The following PLA2G4D variants were observed in gnomAD, a reference collection of about 807,000 sequenced individuals.
PLA2G4D encodes phospholipase A2 group IVD, also known as cytosolic phospholipase A2 delta.
Under a neutral mutation model 94.4 loss-of-function variants are expected in PLA2G4D, and 80 were observed. That is an observed-to-expected ratio of 0.85 (90% confidence interval 0.71 to 1.02). The LOEUF (loss-of-function observed/expected upper bound fraction) is 1.02. Among genes scored for constraint, PLA2G4D ranks in the 50% least tolerant of loss-of-function variants. The probability of loss-of-function intolerance (pLI) is 0.00; values close to 1 mark genes in which losing one functional copy is unlikely to be tolerated. For missense variants in PLA2G4D, 1,050 were observed against 1,034.7 expected, an observed-to-expected ratio of 1.01 and a Z score of -0.20; for synonymous variants, 438 against 440.9, an observed-to-expected ratio of 0.99 and a Z score of 0.08.
At chr15:42,088,982 G>A (rs2141103870) in intron 1 of PLA2G4D, among the ~76,000 whole-genome samples, 1 of 152,268 alleles carries the variant, frequency 6.6e-6, no homozygotes, top group South Asian at 2.1e-4. Context: ...CTTCATTCCA[G>A]AAAAAAACCC....
chr15:42,093,825 C>G (rs1030848045), intron 1 of PLA2G4D, among the ~76,000 whole-genome samples: 1 of 152,018 alleles, frequency 6.6e-6, no homozygotes, highest in Non-Finnish European at 1.5e-5. Flanking sequence ...CCTGGGGCAC[C>G]GGGGGGAGAC....
chr15:42,081,372 C>G, intron 11 of PLA2G4D, 107 bp downstream of exon 11: 4 of 1,516,986 alleles, frequency 2.6e-6, no homozygotes, highest in Non-Finnish European at 3.5e-6. Flanking sequence ...TCTCCACACA[C>G]ATGCCCACTC....
At chr15:42,077,292 C>T (rs1889949410) in intron 13 of PLA2G4D, among the ~76,000 whole-genome samples, 1 of 152,194 alleles carries the variant, frequency 6.6e-6, no homozygotes, top group Non-Finnish European at 1.5e-5. Flanking sequence ...AAGAAAGCTA[C>T]AGGCCAAGAT....
Position 42,086,194 on chromosome 15 carries a change from T to TTGGGGGGGGGC in PLA2G4D, c.387+18_387+19insGCCCCCCCCCA. 86 of 1,370,368 alleles carry TTGGGGGGGGGC rather than the reference T, an allele frequency of 6.3e-5. No homozygotes were observed. Among genetic ancestry groups the TTGGGGGGGGGC allele is most frequent in the Non-Finnish European group, 7.7e-5 (80 of 1,043,014 alleles). The allele number at this position is 1,370,368 out of a possible 1,614,324, so 84.9% of individuals were successfully genotyped here. A position where few individuals can be genotyped will look rare whatever the true frequency, so the allele number is the denominator to read the frequency against. Reference sequence around the variant, plus strand: ...GGAAGAAGTGGGGCCCACGGGGACTTCCCCACCCACCCACCCACCTGGGGA... The same window carrying TTGGGGGGGGGC: ...GGAAGAAGTGGGGCCCACGGGGACTTTGGGGGGGGGCCCCCACCCACCCACCCACCTGGGGA... On this transcript the variant is annotated intron_variant, in intron 4 of 19. Transcript: ENST00000290472.
At chr15:42,079,788 G>A in intron 12 of PLA2G4D, 29 bp from the exon 13 acceptor site, 1 of 1,585,906 alleles carries the variant, frequency 6.3e-7, no homozygotes, top group Non-Finnish European at 8.5e-7. Context: ...AGAACAGTAG[G>A]AGCCCGAGGC....
intron 1 of PLA2G4D, among the ~76,000 whole-genome samples, chr15:42,090,195 A>AAAT (rs141973222): frequency 0.081 from 12,325 of 152,204 alleles, 582 homozygotes; most frequent in Middle Eastern, 0.14. Flanking sequence ...TGTGTAGTGG[A>AAAT]AATAATAGTT....
At chr15:42,092,518 A>G (rs904962122) in intron 1 of PLA2G4D, among the ~76,000 whole-genome samples, 1 of 152,200 alleles carries the variant, frequency 6.6e-6, no homozygotes, top group African/African-American at 2.4e-5. Flanking sequence ...ACTGATATGA[A>G]TCTTTTCCCC....
chr15:42,069,924 C>G lies in PLA2G4D; in HGVS notation c.2215G>C (p.Asp739His), dbSNP rs1889768144. Residue 739 changes from aspartate (D) to histidine (H), a missense_variant, in exon 19 of 20, where the codon GAC (aspartate) becomes CAC (histidine). Asp to His is a moderately conservative substitution (Grantham distance 81). Transcript: ENST00000290472. ...GCTGCCTCACCGGGGGCTGAGTGGT[C>G]CTTGAAGGAGGCATTGACCAGCGGG... ...HFPLVNASFK[D>H]HSAPGVQRSP... 7.0e-7 allele frequency: 1 copy of G among 1,434,200 alleles called. No individual in the cohort carries two copies. 88.8% of individuals were successfully genotyped at this position (1,434,200 alleles called of 1,614,324 possible).
Position 42,082,325 on chromosome 15 carries a change from G to A in PLA2G4D, c.737C>T (p.Pro246Leu). Residue 246 changes from proline (P) to leucine (L), a missense_variant, in exon 9 of 20, where the codon CCC becomes CTC. Transcript: ENST00000290472. ...SAGYLTVPLR[P>L]LTIGKEVTMD... ...AGTCACCTCCTTCCCAATGGTCAAG[G>A]GCCTCAGGGGCACAGTGAGGTACCC... 2 of 1,614,100 alleles carry A rather than the reference G, an allele frequency of 1.2e-6. No homozygotes were observed. The highest frequency in any genetic ancestry group is 1.3e-5 in the African/African-American group (1 of 75,016).
In PLA2G4D at chr15:42,081,006, C is replaced by G. The variant is rs759968770; in HGVS notation, c.1085G>C (p.Gly362Ala). The change falls in exon 12 of 20, where the codon GGC (glycine) becomes GCC (alanine). Residue 362 changes from glycine to alanine, a missense_variant. Coordinates refer to ENST00000290472, the MANE Select transcript of PLA2G4D (RefSeq NM_178034.4). The part of the protein sequence containing the change: ...DCVTYFSGIS[G>A]STWTMAHLYG... ...CCCCCAGGATCCTCACCACGTAGAG[C>G]CAGAGATGCCACTGAAGTAGGTCAC... 2.5e-5 allele frequency: 40 copies of G among 1,613,748 alleles called. No homozygotes were observed. The highest frequency in any genetic ancestry group is 3.2e-5 in the Non-Finnish European group (38 of 1,179,862).
Position 42,068,444 on chromosome 15 carries a change from T to C in PLA2G4D, c.*271A>G, listed in dbSNP as rs1425165128. On this transcript the variant is annotated 3_prime_UTR_variant, in exon 20 of 20. Coordinates refer to ENST00000290472, the MANE Select transcript of PLA2G4D (RefSeq NM_178034.4). ...ACTTCAAATCTATCCTGCTCAGGCATGGAAGTAATTGTGGTGTGAAAGTCT... is the reference window on the plus strand; with the variant it reads ...ACTTCAAATCTATCCTGCTCAGGCACGGAAGTAATTGTGGTGTGAAAGTCT... 4.3e-6 allele frequency: 2 copies of C among 469,228 alleles called. No homozygotes were observed. Among genetic ancestry groups the C allele is most frequent in the African/African-American group, 2.0e-5 (1 of 51,018 alleles). The allele number at this position is 469,228 out of a possible 1,614,324, so 29.1% of individuals were successfully genotyped here. A position where few individuals can be genotyped will look rare whatever the true frequency, so the allele number is the denominator to read the frequency against.
chr15:42,075,819 A>G (rs879408236), intron 13 of PLA2G4D, among the ~76,000 whole-genome samples: 3 of 149,778 alleles, frequency 2.0e-5, no homozygotes, highest in South Asian at 4.3e-4. Flanking sequence ...CCCAGGAGGC[A>G]GAGGTTGCAG....
At chr15:42,087,767 G>T in intron 1 of PLA2G4D, 67 bp from the exon 2 acceptor site, 1 of 1,522,310 alleles carries the variant, frequency 6.6e-7, no homozygotes, top group South Asian at 1.2e-5. Flanking sequence ...GCTGCAGCCC[G>T]GGCTGCCGAC....
Position 42,071,472 on chromosome 15 carries a change from C to T in PLA2G4D, c.1653G>A (p.Gln551=), listed in dbSNP as rs1387862492. ...DLTSSGESWK[Q]HIKDKTRSLE... Reference sequence around the variant, plus strand: ...AGCTCCTGGTCTTGTCCTTGATGTGCTGTTTCCAGGACTCCCCAGAACTGG... The same window carrying T: ...AGCTCCTGGTCTTGTCCTTGATGTGTTGTTTCCAGGACTCCCCAGAACTGG... Residue 551 remains glutamine, a synonymous_variant, in exon 16 of 20, where the codon CAG becomes CAA. Coordinates refer to ENST00000290472, the MANE Select transcript of PLA2G4D (RefSeq NM_178034.4). The T allele has an allele frequency of 2.5e-6, 4 of 1,613,578 alleles. No homozygotes were observed. The African/African-American group carries it at 5.3e-5, about 22-fold the overall frequency.
intron 1 of PLA2G4D, among the ~76,000 whole-genome samples, chr15:42,093,421 C>T (rs1890280182): frequency 6.6e-6 from 1 of 152,226 alleles, no homozygotes; most frequent in Non-Finnish European, 1.5e-5. Context: ...TTCCAGAAGC[C>T]TCCACAATGG....
rs1200948309 is a variant in PLA2G4D at position 42,081,934 on chromosome 15, T to TC, written c.784-101_784-100insG. The TC allele has an allele frequency of 1.9e-5, 26 of 1,396,454 alleles. No individual in the cohort carries two copies. The East Asian group carries it at 4.8e-4, about 26-fold the overall frequency. The allele number at this position is 1,396,454 out of a possible 1,614,324, so 86.5% of individuals were successfully genotyped here. On this transcript the variant is annotated intron_variant, in intron 9 of 19. Transcript: ENST00000290472. ...GTCCCCTTCATCTTCATTCTTTTTT[T>TC]TTTTTTTTTTTTTTGAGACAGAGTT...
chr15:42,079,082 A>G (rs575839501), intron 13 of PLA2G4D, among the ~76,000 whole-genome samples: 2 of 152,338 alleles, frequency 1.3e-5, no homozygotes, highest in South Asian at 4.1e-4. Flanking sequence ...CCCATTGTAC[A>G]GATCAGAAAA....
intron 1 of PLA2G4D, among the ~76,000 whole-genome samples, chr15:42,089,055 C>G (rs1022479989): frequency 1.3e-5 from 2 of 152,250 alleles, no homozygotes; most frequent in Non-Finnish European, 2.9e-5. Context: ...TAAGTAAGTA[C>G]GATCTTCTCA....
chr15:42,093,476 A>G (rs1462158237), intron 1 of PLA2G4D, among the ~76,000 whole-genome samples: 1 of 152,174 alleles, frequency 6.6e-6, no homozygotes, highest in African/African-American at 2.4e-5. Context: ...TGGTGGAGCC[A>G]GGGCCGCCAG....
Sources: gnomAD v4.1 joint callset for allele counts (sites outside exome capture counted in the v4.1 genomes callset) on GRCh38, gnomAD v4.1.1 for gene constraint, MANE v1.5 for transcripts, NCBI Gene and HGNC (gene_info 2026-07-23, HGNC 2026-07-21) for gene names.